The following USH1C variants were observed in gnomAD, a reference collection of about 807,000 sequenced individuals.
USH1C encodes the protein harmonin.
A neutral mutation model predicts 119.3 loss-of-function variants in USH1C; 90 were observed. That is an observed-to-expected ratio of 0.75 (90% CI 0.64 to 0.90). USH1C has a LOEUF of 0.90. Ranked by LOEUF, USH1C falls within the 40% of genes least tolerant of loss-of-function variation. The probability of loss-of-function intolerance (pLI) is 0.00; values close to 1 mark genes in which losing one functional copy is unlikely to be tolerated. For missense variants in USH1C, 1,165 were observed against 1,167.7 expected, an observed-to-expected ratio of 1.00 and a Z score of 0.03; for synonymous variants, 465 against 443.3, an observed-to-expected ratio of 1.05 and a Z score of -0.62.
At position 17,494,278 on chromosome 11, in the gene USH1C, C is replaced by A; in HGVS notation, c.*54G>T. 6.3e-7 allele frequency: 1 copy of A among 1,583,294 alleles called. No homozygotes were observed. Among genetic ancestry groups the A allele is most frequent in the East Asian group, 2.3e-5 (1 of 43,856 alleles). Reference sequence around the variant, plus strand: ...CTGGTGTGTGTAGTGTGGCCTCTCTCAAGGCTGATCCGAGGCTTTGTGTTC... The same window carrying A: ...CTGGTGTGTGTAGTGTGGCCTCTCTAAAGGCTGATCCGAGGCTTTGTGTTC... On this transcript the variant is annotated 3_prime_UTR_variant, in exon 27 of 27. Coordinates refer to ENST00000005226, the MANE Select transcript of USH1C (RefSeq NM_153676.4).
At chr11:17,540,977 G>T (rs770055457) in intron 1 of USH1C, among the ~76,000 whole-genome samples, 22 of 152,136 alleles carry the variant, frequency 1.4e-4, no homozygotes, top group Non-Finnish European at 2.8e-4. Flanking sequence ...CTCCACTCAC[G>T]ATTCCTCTGG....
At chr11:17,542,949 G>C (rs1851529572) in intron 1 of USH1C, among the ~76,000 whole-genome samples, 1 of 152,146 alleles carries the variant, frequency 6.6e-6, no homozygotes, top group South Asian at 2.1e-4. Flanking sequence ...AAATGCCCAA[G>C]ACCTTGTTTT....
chr11:17,525,510 A>G (rs1845284793), intron 8 of USH1C, among the ~76,000 whole-genome samples: 1 of 152,184 alleles, frequency 6.6e-6, no homozygotes, highest in South Asian at 2.1e-4. Flanking sequence ...GTGATGTGGG[A>G]ATTATTATCG....
intron 8 of USH1C, 80 bp from the exon 9 acceptor site, chr11:17,524,615 A>C (rs1041685260): frequency 1.4e-6 from 2 of 1,474,754 alleles, no homozygotes; most frequent in African/African-American, 2.8e-5. Context: ...TCATGAGCTG[A>C]GGACTGAAGG....
At chr11:17,517,258 C>G (rs1850191678) in intron 14 of USH1C, 6 of 856,038 alleles carry the variant, frequency 7.0e-6, no homozygotes, top group Non-Finnish European at 1.1e-5. Flanking sequence ...TTGGGCCAAG[C>G]TGGGGCTTGG....
chr11:17,522,844 T>C lies in USH1C; in HGVS notation c.959A>G (p.Gln320Arg). The change falls in exon 12 of 27, where the codon CAG (glutamine) becomes CGG (arginine). Residue 320 changes from glutamine to arginine, a missense_variant. Physicochemically the swap from Gln to Arg is conservative, Grantham distance 43 (BLOSUM62 1). Coordinates refer to ENST00000005226, the MANE Select transcript of USH1C (RefSeq NM_153676.4). The stretch of plus-strand genomic sequence containing the variant: ...GTTGGACTCCATCGCCAGCCGCTTC[T>C]GCATGAGAAGCTCCTGCCGCTGCAG... Reference protein sequence around the residue: ...RELQRQELLMQKRLAMESNKI... With the variant: ...RELQRQELLMRKRLAMESNKI... 6.2e-7 allele frequency: 1 copy of C among 1,613,582 alleles called. No homozygotes were observed. The highest frequency in any genetic ancestry group is 8.5e-7 in the Non-Finnish European group (1 of 1,179,880).
chr11:17,532,112 A>G (rs1851015435), intron 2 of USH1C, among the ~76,000 whole-genome samples: 1 of 152,062 alleles, frequency 6.6e-6, no homozygotes, highest in Non-Finnish European at 1.5e-5. Context: ...GCCCTCCATG[A>G]CCTGTCCCCA....
At chr11:17,542,449 C>T (rs141860381) in intron 1 of USH1C, among the ~76,000 whole-genome samples, 323 of 152,362 alleles carry the variant, frequency 2.1e-3, no homozygotes, top group Middle Eastern at 3.4e-3. Context: ...CCTTGCCTAG[C>T]GCATGGCGCC....
chr11:17,527,073 T>TCCGCC, intron 5 of USH1C, 33 bp from the exon 6 acceptor site: 6 of 1,505,054 alleles, frequency 4.0e-6, no homozygotes, highest in Non-Finnish European at 4.4e-6. Flanking sequence ...TTAGGACAGC[T>TCCGCC]CCCCCGCCCT....
At position 17,517,334 on chromosome 11, in the gene USH1C, C is replaced by T. The variant is rs556258559; in HGVS notation, c.1211-1044G>A. 1.8e-4 allele frequency: 273 copies of T among 1,491,064 alleles called. 1 individual carries two copies. The highest frequency in any genetic ancestry group is 8.1e-4 in the South Asian group (67 of 82,890). 92.4% of individuals were successfully genotyped at this position (1,491,064 alleles called of 1,614,324 possible). Reference sequence around the variant, plus strand: ...CCCCTGAAGCTGGGTGTCTGCACTGCGGTCAGGAGGAGGCGGGCAGGGTAA... The same window carrying T: ...CCCCTGAAGCTGGGTGTCTGCACTGTGGTCAGGAGGAGGCGGGCAGGGTAA... On this transcript the variant is annotated intron_variant, in intron 14 of 26. Coordinates refer to ENST00000005226, the MANE Select transcript of USH1C (RefSeq NM_153676.4).
chr11:17,515,065 T>TTGTGTG lies in USH1C; in HGVS notation c.1260+1170_1260+1175dup, dbSNP rs61540326. Among the ~76,000 whole-genome samples, 888 of 150,394 alleles carry TTGTGTG rather than the reference T, an allele frequency of 5.9e-3. 5 individuals are homozygous for TTGTGTG. The highest frequency in any genetic ancestry group is 7.1e-3 in the Non-Finnish European group (478 of 67,496). ...CCTATGTGTGCATGTGTGTGTGTGC[T>TTGTGTG]TGTGTGTGTGTGTGTGTGTTTTGTC... On this transcript the variant is annotated intron_variant, in intron 15 of 26. Coordinates refer to ENST00000005226, the MANE Select transcript of USH1C (RefSeq NM_153676.4).
At chr11:17,496,251 C>T (rs1849246078) in intron 25 of USH1C, among the ~76,000 whole-genome samples, 1 of 152,144 alleles carries the variant, frequency 6.6e-6, no homozygotes, top group African/African-American at 2.4e-5. Context: ...GACAGACACA[C>T]AGGGAATCAC....
At position 17,520,875 on chromosome 11, in the gene USH1C, G is replaced by C; in HGVS notation, c.1205C>G (p.Pro402Arg). Residue 402 changes from proline to arginine, a missense_variant, in exon 14 of 27, where the codon CCA (proline) becomes CGA (arginine). Pro to Arg is a moderately radical substitution (Grantham distance 103, BLOSUM62 -2). Coordinates refer to ENST00000005226, the MANE Select transcript of USH1C (RefSeq NM_153676.4). ...AEVHPVPLRK[P>R]KSFGWFYRYD... ...CCTCGGCTCATGAAACTTACACTTT[G>C]GCTTGCGAAGGGGTACTGGGTGTAC... is the stretch of plus-strand genomic sequence containing the variant. 6.2e-7 allele frequency: 1 copy of C among 1,614,158 alleles called. No homozygotes were observed. Among genetic ancestry groups the C allele is most frequent in the Non-Finnish European group, 8.5e-7 (1 of 1,180,014 alleles).
chr11:17,539,653 C>T (rs1180789227), intron 1 of USH1C, among the ~76,000 whole-genome samples: 1 of 152,086 alleles, frequency 6.6e-6, no homozygotes, highest in Non-Finnish European at 1.5e-5. Context: ...TCCAGCCACA[C>T]TTCTTCCCAG....
rs751983859 is a variant in USH1C, at chr11:17,533,286, A to G, written c.73T>C (p.Tyr25His). ...FLIENDAEKD[Y>H]LYDVLRMYHQ... is the part of the protein sequence containing the mutation. ...TACATTCGCAGCACATCATAGAGAT[A>G]GTCCTTCTCTGCATCATTTTCAATC... The change falls in exon 2 of 27, where the codon TAT becomes CAT. Residue 25 changes from tyrosine to histidine, a missense_variant. Coordinates refer to ENST00000005226, the MANE Select transcript of USH1C (RefSeq NM_153676.4). The G allele has an allele frequency of 1.7e-5, 28 of 1,612,400 alleles. No individual in the cohort carries two copies. The highest frequency in any genetic ancestry group is 2.0e-5 in the Non-Finnish European group (24 of 1,178,640).
chr11:17,506,672 C>G (rs956877361), intron 18 of USH1C, among the ~76,000 whole-genome samples: 1 of 152,330 alleles, frequency 6.6e-6, no homozygotes, highest in Non-Finnish European at 1.5e-5. Flanking sequence ...TGCCTTGAGG[C>G]CTTTGCACGT....
chr11:17,501,240 T>C, intron 22 of USH1C, 90 bp from the exon 23 acceptor site: 2 of 1,190,406 alleles, frequency 1.7e-6, no homozygotes, highest in Admixed American at 3.9e-5. Flanking sequence ...AGAGCCACAG[T>C]AAGAGTGGAA....
intron 14 of USH1C, chr11:17,517,472 C>T: frequency 6.3e-7 from 1 of 1,591,294 alleles, no homozygotes; most frequent in East Asian, 2.3e-5. Context: ...ACTCCCTGAT[C>T]ATCTACCCAG....
Position 17,509,902 on chromosome 11 carries a change from G to T in USH1C, c.1531-64C>A, listed in dbSNP as rs2237965. On this transcript the variant is annotated intron_variant, in intron 17 of 26. Transcript: ENST00000005226. ...GCTTAGAGCTCCACTTCACAATACAGCGAGCACTATGCTCTTCTAATCTGT... is the reference window on the plus strand; with the variant it reads ...GCTTAGAGCTCCACTTCACAATACATCGAGCACTATGCTCTTCTAATCTGT... 1,070,596 of 1,535,368 alleles carry T rather than the reference G, an allele frequency of 0.7. 374,518 individuals are homozygous for T. The highest frequency in any genetic ancestry group is 0.79 in the Admixed American group (44,716 of 56,622).
Sources: gnomAD v4.1 joint callset for allele counts (sites outside exome capture counted in the v4.1 genomes callset) on GRCh38, gnomAD v4.1.1 for gene constraint, MANE v1.5 for transcripts, NCBI Gene and HGNC (gene_info 2026-07-23, HGNC 2026-07-21) for gene names.